Variants in SGSM1 observed in about 807,000 individuals in gnomAD.
SGSM1 encodes RUN and TBC1 domain containing 2.
In SGSM1, 73 loss-of-function variants were observed where a neutral mutation model predicts 133.8. The ratio of observed to expected loss-of-function variants is 0.55; its 90% CI spans 0.45 to 0.66. The LOEUF is 0.66. SGSM1 is among the 30% of genes least tolerant of loss of function. SGSM1 has a pLI of 0.00. For missense variants in SGSM1, 1,213 were observed against 1,448.1 expected (o/e 0.84, Z 2.64); for synonymous variants, 563 against 573.0 (o/e 0.98, Z 0.25).
At chr22:24,919,367 C>T (rs943708222) in intron 23 of SGSM1, among the ~76,000 whole-genome samples, 1 of 152,050 alleles carries the variant, frequency 6.6e-6, no homozygotes, top group African/African-American at 2.4e-5. Flanking sequence ...TGCTTTGAAC[C>T]GTTGCTCTAT....
intron 16 of SGSM1, among the ~76,000 whole-genome samples, chr22:24,890,137 T>C (rs1265383850): frequency 6.6e-6 from 1 of 151,876 alleles, no homozygotes; most frequent in East Asian, 1.9e-4. Flanking sequence ...TTTGTATTTT[T>C]AGCAGAGACA....
rs571202436 is a variant in SGSM1, at chr22:24,848,314, G to A, written c.302+518G>A. ...ACCCACGGCCTGTTCTAAATGCAAG[G>A]CAACCAAAGTTTGATAGAACCAATA... On this transcript the variant is annotated intron_variant, in intron 4 of 24. Transcript: ENST00000400358. Among the ~76,000 whole-genome samples the A allele has an allele frequency of 9.2e-5, 14 of 152,162 alleles. No homozygotes were observed. In the South Asian group the frequency reaches 1.0e-3, roughly 11 times the overall value.
chr22:24,870,624 G>A (rs537531558), intron 12 of SGSM1, among the ~76,000 whole-genome samples: 2 of 152,306 alleles, frequency 1.3e-5, no homozygotes, highest in African/African-American at 4.8e-5. Flanking sequence ...ATGCTATTCA[G>A]CTACCAGCTG....
chr22:24,913,266 C>G (rs1456406327), intron 22 of SGSM1, among the ~76,000 whole-genome samples: 1 of 144,342 alleles, frequency 6.9e-6, no homozygotes, highest in African/African-American at 2.6e-5. Context: ...GCACTCCAGC[C>G]TGGGCGACAG....
At chr22:24,861,352 A>C (rs1353067960) in intron 9 of SGSM1, among the ~76,000 whole-genome samples, 1 of 83,946 alleles carries the variant, frequency 1.2e-5, no homozygotes, top group Non-Finnish European at 2.2e-5. Flanking sequence ...ACTCTGTCTC[A>C]AAAAAAAAAA....
intron 3 of SGSM1, 121 bp downstream of exon 3, chr22:24,845,093 T>C (rs1187087383): frequency 3.5e-6 from 3 of 848,844 alleles, no homozygotes; most frequent in African/African-American, 3.4e-5. Context: ...AGAGGGGGAC[T>C]CGATTGGAGA....
intron 8 of SGSM1, chr22:24,855,952 A>G (rs6004321): frequency 1.6e-6 from 1 of 621,902 alleles, no homozygotes. Flanking sequence ...CATCTATCCA[A>G]CCATCTTTAC....
intron 12 of SGSM1, chr22:24,874,578 CA>C (rs1294199893): frequency 6.3e-7 from 1 of 1,594,634 alleles, no homozygotes; most frequent in Admixed American, 1.8e-5. Context: ...AGCAGCCCCC[CA>C]GTAATGTCTG....
rs555785164 is a variant in SGSM1, at chr22:24,893,087, G to GGGGA, written c.1771-339_1771-336dup. Among the ~76,000 whole-genome samples, 215 of 151,502 alleles carry GGGGA rather than the reference G, an allele frequency of 1.4e-3. 1 individual carries two copies. The highest frequency in any genetic ancestry group is 5.0e-3 in the African/African-American group (207 of 41,254). Reference sequence around the variant, plus strand: ...GGAAGGAAGGAAGGAAGCGGAGGGGGGGGAGGGAAAGAAAAATAGAAACAG... The same window carrying GGGGA: ...GGAAGGAAGGAAGGAAGCGGAGGGGGGGGAGGGAGGGAAAGAAAAATAGAAACAG... On this transcript the variant is annotated intron_variant, in intron 16 of 24. Transcript: ENST00000400358.
Position 24,812,015 on chromosome 22 carries a change from C to G in SGSM1, c.63+5531C>G, listed in dbSNP as rs936202360. Among the ~76,000 whole-genome samples, 3 of 151,288 alleles carry G rather than the reference C, an allele frequency of 2.0e-5. No individual in the cohort carries two copies. The East Asian group carries it at 5.9e-4, about 30-fold the overall frequency. ...TGAAACCTCATCTCTACAAAAAATACAAAAATTAGCCGGGTGTGGTAGCAT... is the reference window on the plus strand; with the variant it reads ...TGAAACCTCATCTCTACAAAAAATAGAAAAATTAGCCGGGTGTGGTAGCAT... On this transcript the variant is annotated intron_variant, in intron 2 of 24. Coordinates refer to ENST00000400358, the MANE Select transcript of SGSM1 (RefSeq NM_001098497.3).
intron 16 of SGSM1, among the ~76,000 whole-genome samples, chr22:24,888,534 G>A (rs1041845947): frequency 3.9e-5 from 6 of 152,106 alleles, no homozygotes; most frequent in Non-Finnish European, 7.4e-5. Flanking sequence ...TTGGGAGGCC[G>A]AGGCAGGTGG....
intron 5 of SGSM1, 134 bp downstream of exon 5, chr22:24,850,566 T>C (rs914184757): frequency 1.4e-5 from 18 of 1,280,050 alleles, no homozygotes; most frequent in African/African-American, 3.0e-5. Context: ...GATTAAATGC[T>C]TGGAAACTTG....
At chr22:24,871,387 A>C (rs1931755725) in intron 12 of SGSM1, among the ~76,000 whole-genome samples, 1 of 152,204 alleles carries the variant, frequency 6.6e-6, no homozygotes, top group African/African-American at 2.4e-5. Context: ...CTGAGGAATC[A>C]GCAAGATCAT....
intron 12 of SGSM1, among the ~76,000 whole-genome samples, chr22:24,875,572 G>A (rs560604119): frequency 1.3e-5 from 2 of 151,624 alleles, no homozygotes; most frequent in African/African-American, 2.4e-5. Flanking sequence ...CCCAGGAGGC[G>A]GAGCTTGCAG....
chr22:24,855,096 A>G (rs1930689324), intron 6 of SGSM1, 33 bp downstream of exon 6: 1 of 1,605,228 alleles, frequency 6.2e-7, no homozygotes, highest in Non-Finnish European at 8.5e-7. Flanking sequence ...CTTCATCTAG[A>G]CCCGTGGTCT....
At chr22:24,903,088 TAGAA>T (rs1335194605) in intron 20 of SGSM1, among the ~76,000 whole-genome samples, 1 of 152,062 alleles carries the variant, frequency 6.6e-6, no homozygotes, top group Admixed American at 6.6e-5. Flanking sequence ...GTTCATAAGA[TAGAA>T]AGAGAAACTT....
At chr22:24,818,884 C>T (rs868832500) in intron 2 of SGSM1, among the ~76,000 whole-genome samples, 3 of 152,054 alleles carry the variant, frequency 2.0e-5, no homozygotes, top group African/African-American at 4.8e-5. Flanking sequence ...CAGTGGCTCA[C>T]GCCTGTAATC....
Position 24,835,160 on chromosome 22 carries a change from A to T in SGSM1, c.64-9737A>T, listed in dbSNP as rs139635279. Among the ~76,000 whole-genome samples, 56 of 152,276 alleles carry T rather than the reference A, an allele frequency of 3.7e-4. 1 individual carries two copies. The East Asian group carries it at 0.011, about 29-fold the overall frequency. On this transcript the variant is annotated intron_variant, in intron 2 of 24. Coordinates refer to ENST00000400358, the MANE Select transcript of SGSM1 (RefSeq NM_001098497.3). ...TCTTCTTAACTTGATTTTTACCTGC[A>T]TAAACATGCCTGATGCAGGGAGGTG...
chr22:24,917,722 G>T lies in SGSM1; in HGVS notation c.2993G>T (p.Cys998Phe). ...GGGGACTATACTCACTTCTACTTCT[G>T]CTACCGCTGGTTCCTGCTGGATTTC... is the stretch of plus-strand genomic sequence containing the variant. ...QNGDYTHFYFCYRWFLLDFKR... is the reference protein window; with the variant it reads ...QNGDYTHFYFFYRWFLLDFKR... Residue 998 changes from cysteine to phenylalanine, a missense_variant, in exon 23 of 25, where the codon TGC becomes TTC. Cys to Phe is a radical substitution (Grantham distance 205). Transcript: ENST00000400358. The T allele has an allele frequency of 1.2e-6, 2 of 1,613,814 alleles. No individual in the cohort carries two copies. Among genetic ancestry groups the T allele is most frequent in the Non-Finnish European group, 1.7e-6 (2 of 1,179,884 alleles).
Sources: gnomAD v4.1 joint callset for allele counts (sites outside exome capture counted in the v4.1 genomes callset) on GRCh38, gnomAD v4.1.1 for gene constraint, MANE v1.5 for transcripts, NCBI Gene and HGNC (gene_info 2026-07-23, HGNC 2026-07-21) for gene names.